Variants in SDK1 observed in about 807,000 individuals in gnomAD.
SDK1 encodes sidekick cell adhesion molecule 1, also known as protein sidekick-1.
A neutral mutation model predicts 245.5 loss-of-function variants in SDK1; 157 were observed. The ratio of observed to expected loss-of-function variants is 0.64; its 90% CI spans 0.56 to 0.73. SDK1 has a LOEUF of 0.73. Among genes scored for constraint, SDK1 ranks in the 30% least tolerant of loss-of-function variants. The pLI, the probability that SDK1 is intolerant of heterozygous loss-of-function variation, is 0.00. For synonymous variants in SDK1, 1,647 were observed against 1,278.5 expected (o/e 1.29, Z -6.15); for missense variants, 3,583 against 3,002.3 (o/e 1.19, Z -4.52).
At chr7:4,179,876 G>T (rs1299594247) in intron 35 of SDK1, among the ~76,000 whole-genome samples, 2 of 151,874 alleles carry the variant, frequency 1.3e-5, no homozygotes, top group Non-Finnish European at 2.9e-5. Context: ...TCAGCCTGTG[G>T]CATCGGGGGA....
intron 16 of SDK1, among the ~76,000 whole-genome samples, chr7:4,012,676 C>T (rs1404787314): frequency 6.9e-6 from 1 of 144,248 alleles, no homozygotes; most frequent in African/African-American, 2.5e-5. Context: ...TGGGTTCAAG[C>T]AATTCTCCTG....
chr7:3,553,386 A>G (rs781681010), intron 1 of SDK1, among the ~76,000 whole-genome samples: 3 of 152,156 alleles, frequency 2.0e-5, no homozygotes, highest in African/African-American at 4.8e-5. Flanking sequence ...ACTAAATACA[A>G]TGATAGACCC....
chr7:3,563,707 G>A (rs892814111), intron 1 of SDK1, among the ~76,000 whole-genome samples: 3 of 152,160 alleles, frequency 2.0e-5, no homozygotes, highest in Non-Finnish European at 4.4e-5. Flanking sequence ...AGCATGAGCT[G>A]TTAGGAATAC....
intron 17 of SDK1, among the ~76,000 whole-genome samples, chr7:4,028,492 C>G (rs117347686): frequency 0.056 from 8,593 of 152,238 alleles, 358 homozygotes; most frequent in Non-Finnish European, 0.079. Flanking sequence ...GGGTGGGAGG[C>G]TGGAGTCTCC....
chr7:4,080,722 G>A (rs909655507), intron 22 of SDK1, among the ~76,000 whole-genome samples: 3 of 152,096 alleles, frequency 2.0e-5, no homozygotes, highest in Non-Finnish European at 4.4e-5. Context: ...TTGAGGGGGT[G>A]GGGAGGGATA....
In SDK1 at chr7:3,345,494, A is replaced by G. The variant is rs145230429; in HGVS notation, c.298+43610A>G. 8.0e-3 allele frequency among the ~76,000 whole-genome samples: 1,217 copies of G among 152,316 alleles called. 7 individuals are homozygous for G. The highest frequency in any genetic ancestry group is 0.012 in the Non-Finnish European group (785 of 68,028). On this transcript the variant is annotated intron_variant, in intron 1 of 44. Transcript: ENST00000404826. ...ATATATTTAACTTAGACATTCTTAC[A>G]ATAAGCATGATTTGCAATGCCATTT...
At chr7:3,570,932 T>C (rs1562570576) in intron 1 of SDK1, among the ~76,000 whole-genome samples, 1 of 152,086 alleles carries the variant, frequency 6.6e-6, no homozygotes, top group African/African-American at 2.4e-5. Flanking sequence ...TTTATGTGTT[T>C]ATGCATGAAT....
At chr7:3,834,099 T>C (rs1779977005) in intron 5 of SDK1, among the ~76,000 whole-genome samples, 1 of 152,176 alleles carries the variant, frequency 6.6e-6, no homozygotes, top group Non-Finnish European at 1.5e-5. Flanking sequence ...ATTTTCAATG[T>C]CTATGTAGAA....
intron 1 of SDK1, among the ~76,000 whole-genome samples, chr7:3,557,560 C>G (rs1583163554): frequency 1.3e-5 from 2 of 152,294 alleles, no homozygotes; most frequent in South Asian, 4.1e-4. Flanking sequence ...GAATTAAGTA[C>G]ACACCTACAA....
intron 10 of SDK1, among the ~76,000 whole-genome samples, chr7:3,968,415 C>T (rs997561078): frequency 6.6e-6 from 1 of 152,180 alleles, no homozygotes; most frequent in African/African-American, 2.4e-5. Context: ...TGCCAAAAGC[C>T]TTATCTTTCT....
At position 3,539,381 on chromosome 7, in the gene SDK1, C is replaced by T. The variant is rs114347376; in HGVS notation, c.299-79699C>T. Among the ~76,000 whole-genome samples, 390 of 152,222 alleles carry T rather than the reference C, an allele frequency of 2.6e-3. 2 individuals are homozygous for T. The highest frequency in any genetic ancestry group is 8.9e-3 in the African/African-American group (371 of 41,538). ...AGACAGAGCTTAAAACAATTATTAGCAAGTTTCCATGGGATTTTAATGGGA... is the reference window on the plus strand; with the variant it reads ...AGACAGAGCTTAAAACAATTATTAGTAAGTTTCCATGGGATTTTAATGGGA... On this transcript the variant is annotated intron_variant, in intron 1 of 44. Transcript: ENST00000404826.
At chr7:3,834,007 C>A (rs551182499) in intron 5 of SDK1, among the ~76,000 whole-genome samples, 5 of 152,230 alleles carry the variant, frequency 3.3e-5, no homozygotes, top group Non-Finnish European at 7.4e-5. Flanking sequence ...ATCATCTCAA[C>A]CTGGAAGGAT....
chr7:3,641,730 T>C (rs555385349), intron 3 of SDK1, among the ~76,000 whole-genome samples: 18 of 152,356 alleles, frequency 1.2e-4, no homozygotes, highest in Admixed American at 2.6e-4. Context: ...CATGTGGCTT[T>C]GCTGAGGAAT....
chr7:3,526,775 T>C (rs1403287415), intron 1 of SDK1, among the ~76,000 whole-genome samples: 1 of 152,200 alleles, frequency 6.6e-6, no homozygotes, highest in African/African-American at 2.4e-5. Flanking sequence ...GGATGGTCTT[T>C]TATTTGGTTG....
intron 1 of SDK1, among the ~76,000 whole-genome samples, chr7:3,549,460 G>A (rs959975793): frequency 1.3e-5 from 2 of 152,070 alleles, no homozygotes; most frequent in Non-Finnish European, 2.9e-5. Context: ...AAATATCCAT[G>A]TGCCAAAGGA....
intron 35 of SDK1, among the ~76,000 whole-genome samples, chr7:4,179,973 C>T (rs538814975): frequency 9.9e-5 from 15 of 152,070 alleles, no homozygotes; most frequent in African/African-American, 3.1e-4. Flanking sequence ...GGTCTGCCTG[C>T]GCCTGGGCAT....
chr7:4,093,290 G>C (rs1781921731), intron 22 of SDK1, among the ~76,000 whole-genome samples: 1 of 151,884 alleles, frequency 6.6e-6, no homozygotes. Flanking sequence ...TGTCTGCTCA[G>C]TTACCTCTGT....
At chr7:3,657,829 A>G (rs1035320186) in intron 4 of SDK1, among the ~76,000 whole-genome samples, 2 of 152,210 alleles carry the variant, frequency 1.3e-5, no homozygotes, top group African/African-American at 4.8e-5. Flanking sequence ...TATCACACCA[A>G]TTTTGTGGAT....
At chr7:3,308,952 A>G (rs1026730800) in intron 1 of SDK1, among the ~76,000 whole-genome samples, 3 of 152,124 alleles carry the variant, frequency 2.0e-5, no homozygotes, top group Non-Finnish European at 4.4e-5. Context: ...AAACTTGGGG[A>G]GCTCTGGTAG....
Sources: allele counts gnomAD v4.1 joint callset (sites outside exome capture counted in the v4.1 genomes callset), GRCh38; gene constraint gnomAD v4.1.1; transcripts MANE v1.5; gene names NCBI Gene and HGNC (gene_info 2026-07-23, HGNC 2026-07-21).